GABRG3: variants seen among roughly 807,000 people sequenced by gnomAD.
GABRG3 encodes the protein gamma-aminobutyric acid receptor subunit gamma-3.
In GABRG3, 25 loss-of-function variants were observed where a neutral mutation model predicts 48.8. The observed-to-expected ratio is 0.51, with a 90% CI of 0.37 to 0.72. GABRG3 has a LOEUF of 0.72. Among genes scored for constraint, GABRG3 ranks in the 30% least tolerant of loss-of-function variants. The pLI is 0.00. For missense variants in GABRG3, 394 were observed against 577.9 expected (o/e 0.68, Z 3.26); for synonymous variants, 227 against 217.6 (o/e 1.04, Z -0.38).
At chr15:27,235,394 G>A (rs985931921) in intron 3 of GABRG3, among the ~76,000 whole-genome samples, 1 of 150,536 alleles carries the variant, frequency 6.6e-6, no homozygotes, top group Admixed American at 6.6e-5. Context: ...GATTGCCAGG[G>A]TTATCTCTCA....
chr15:27,134,751 A>G (rs1427288695), intron 3 of GABRG3, among the ~76,000 whole-genome samples: 1 of 152,174 alleles, frequency 6.6e-6, no homozygotes, highest in Non-Finnish European at 1.5e-5. Flanking sequence ...TGCCCTCCAC[A>G]GAGGTACTAT....
intron 3 of GABRG3, among the ~76,000 whole-genome samples, chr15:27,275,353 T>C (rs1891218857): frequency 6.6e-6 from 1 of 152,226 alleles, no homozygotes; most frequent in Non-Finnish European, 1.5e-5. Flanking sequence ...TTTTATCCCA[T>C]TCTGGCAGGG....
At chr15:27,286,035 A>G (rs1566994344) in intron 3 of GABRG3, among the ~76,000 whole-genome samples, 1 of 152,240 alleles carries the variant, frequency 6.6e-6, no homozygotes, top group Admixed American at 6.5e-5. Flanking sequence ...TCCATTAAAA[A>G]CTAAGTAATC....
chr15:27,024,352 G>C (rs1481529813), intron 2 of GABRG3, among the ~76,000 whole-genome samples: 1 of 152,104 alleles, frequency 6.6e-6, no homozygotes, highest in Non-Finnish European at 1.5e-5. Flanking sequence ...CTGATGTTCT[G>C]GTGTTATATC....
intron 3 of GABRG3, among the ~76,000 whole-genome samples, chr15:27,074,874 A>G (rs986242268): frequency 5.3e-5 from 8 of 152,156 alleles, no homozygotes; most frequent in African/African-American, 1.9e-4. Flanking sequence ...TGGTTTTTAA[A>G]GAGTTGGACA....
intron 3 of GABRG3, among the ~76,000 whole-genome samples, chr15:27,050,094 T>C (rs1432656006): frequency 2.0e-5 from 3 of 152,166 alleles, no homozygotes; most frequent in Admixed American, 1.3e-4. Context: ...TTAAATTTAA[T>C]CTCTGGTACA....
chr15:27,451,483 C>T (rs1303068629), intron 5 of GABRG3, among the ~76,000 whole-genome samples: 2 of 152,062 alleles, frequency 1.3e-5, no homozygotes. Context: ...ACTGTATAGA[C>T]ATATGCAAAA....
intron 5 of GABRG3, among the ~76,000 whole-genome samples, chr15:27,458,154 G>C (rs1889340687): frequency 6.6e-6 from 1 of 152,122 alleles, no homozygotes. Context: ...ACACATCCAG[G>C]CCGCATCTTC....
intron 2 of GABRG3, among the ~76,000 whole-genome samples, chr15:27,020,729 T>C (rs2140676710): frequency 6.6e-6 from 1 of 152,314 alleles, no homozygotes; most frequent in African/African-American, 2.4e-5. Flanking sequence ...TTGTTTTCTA[T>C]CTCTCGCTTG....
intron 5 of GABRG3, among the ~76,000 whole-genome samples, chr15:27,402,770 G>A (rs1237733470): frequency 1.3e-5 from 2 of 152,196 alleles, no homozygotes; most frequent in African/African-American, 4.8e-5. Context: ...AAAATGCACA[G>A]GCAGAGAAGG....
intron 3 of GABRG3, among the ~76,000 whole-genome samples, chr15:27,162,974 C>T (rs2140405224): frequency 6.6e-6 from 1 of 152,130 alleles, no homozygotes; most frequent in East Asian, 1.9e-4. Flanking sequence ...GATTCACCTA[C>T]AATCTTAGTA....
intron 3 of GABRG3, among the ~76,000 whole-genome samples, chr15:27,143,251 A>T (rs192920938): frequency 3.5e-4 from 53 of 152,038 alleles, no homozygotes; most frequent in African/African-American, 1.2e-3. Context: ...GATAATTTTT[A>T]AATTTTTTGT....
chr15:27,258,940 C>T (rs1890697358), intron 3 of GABRG3, among the ~76,000 whole-genome samples: 1 of 152,220 alleles, frequency 6.6e-6, no homozygotes, highest in African/African-American at 2.4e-5. Context: ...ACTCAGTTTA[C>T]ATCCTACTTC....
At position 27,167,379 on chromosome 15, in the gene GABRG3, A is replaced by G. The variant is rs542803552; in HGVS notation, c.270+140558A>G. Among the ~76,000 whole-genome samples the G allele has an allele frequency of 2.0e-5, 3 of 152,302 alleles. No homozygotes were observed. The South Asian group carries it at 6.2e-4, about 32-fold the overall frequency. ...TGAGAAAGGCAGGGTGGACATTGTC[A>G]TCCCATGTAGAGAAAGAGCACCCAA... On this transcript the variant is annotated intron_variant, in intron 3 of 9. Transcript: ENST00000615808.
chr15:27,010,879 T>A (rs1895672833), intron 2 of GABRG3, among the ~76,000 whole-genome samples: 1 of 152,156 alleles, frequency 6.6e-6, no homozygotes, highest in Admixed American at 6.5e-5. Context: ...GGAGTGTCAC[T>A]TTGTCGCCCA....
intron 3 of GABRG3, among the ~76,000 whole-genome samples, chr15:27,126,877 G>T (rs1897830568): frequency 6.6e-6 from 1 of 152,184 alleles, no homozygotes; most frequent in African/African-American, 2.4e-5. Flanking sequence ...ATGGAGCCCT[G>T]AGTAGGTGGA....
chr15:27,032,254 C>A (rs6606859), intron 3 of GABRG3, among the ~76,000 whole-genome samples: 98,431 of 151,940 alleles, frequency 0.65, 31,978 homozygotes, highest in East Asian at 0.68. Flanking sequence ...TTCTCTGGTG[C>A]GATTCTCCAT....
chr15:27,198,914 A>G (rs1347123556), intron 3 of GABRG3, among the ~76,000 whole-genome samples: 2 of 152,040 alleles, frequency 1.3e-5, no homozygotes, highest in East Asian at 1.9e-4. Context: ...TAAACATCGC[A>G]TGTTCTCACT....
intron 2 of GABRG3, among the ~76,000 whole-genome samples, chr15:26,990,852 T>A (rs982648622): frequency 6.6e-5 from 10 of 151,114 alleles, no homozygotes; most frequent in African/African-American, 2.4e-4. Flanking sequence ...TCATCCAGGC[T>A]GAAGTGCAGT....
Sources: allele counts gnomAD v4.1 joint callset (sites outside exome capture counted in the v4.1 genomes callset), GRCh38; gene constraint gnomAD v4.1.1; transcripts MANE v1.5; gene names NCBI Gene and HGNC (gene_info 2026-07-23, HGNC 2026-07-21).